The following MCU variants were observed in gnomAD, a reference collection of about 807,000 sequenced individuals.
The protein encoded by MCU is mitochondrial calcium uniporter.
A neutral mutation model predicts 45.2 loss-of-function variants in MCU; 12 were observed. The observed-to-expected ratio is 0.27, with a 90% CI of 0.17 to 0.43. The LOEUF (loss-of-function observed/expected upper bound fraction) is 0.43, where lower values mean the gene tolerates loss of function less well. Among genes scored for constraint, MCU ranks in the 20% least tolerant of loss-of-function variants. The pLI is 1.00. For synonymous variants in MCU, 160 were observed against 165.1 expected (o/e 0.97, Z 0.24); for missense variants, 324 against 436.7 (o/e 0.74, Z 2.30).
At chr10:72,847,692 A>G (rs966551189) in intron 2 of MCU, among the ~76,000 whole-genome samples, 3 of 152,160 alleles carry the variant, frequency 2.0e-5, no homozygotes, top group African/African-American at 7.2e-5. Context: ...GCATAAACTA[A>G]TCTTTTATTA....
intron 1 of MCU, among the ~76,000 whole-genome samples, chr10:72,752,913 G>C (rs916307807): frequency 1.3e-5 from 2 of 152,192 alleles, no homozygotes; most frequent in Non-Finnish European, 2.9e-5. Flanking sequence ...AGTCTCTGAA[G>C]AATGCCATTT....
At chr10:72,846,597 ATGT>A (rs1206679865) in intron 2 of MCU, among the ~76,000 whole-genome samples, 1 of 152,190 alleles carries the variant, frequency 6.6e-6, no homozygotes, top group African/African-American at 2.4e-5. Context: ...TGATGCTGGC[ATGT>A]TGTTTTAATT....
intron 2 of MCU, among the ~76,000 whole-genome samples, chr10:72,848,541 T>C (rs1428875615): frequency 1.3e-5 from 2 of 152,144 alleles, no homozygotes; most frequent in African/African-American, 4.8e-5. Flanking sequence ...GGGCAGAGCC[T>C]TCATGACCTA....
At chr10:72,823,857 C>T (rs1339071589) in intron 1 of MCU, among the ~76,000 whole-genome samples, 2 of 152,014 alleles carry the variant, frequency 1.3e-5, no homozygotes, top group African/African-American at 4.8e-5. Flanking sequence ...GTCAGGAGTT[C>T]AAGACCAGCC....
rs546745638 is a variant in MCU, at chr10:72,796,698, T to G, written c.151-37661T>G. On this transcript the variant is annotated intron_variant, in intron 1 of 7. Transcript: ENST00000373053. The stretch of plus-strand genomic sequence containing the variant: ...CTGGCTACTTTTTAGTTTTTGTTTT[T>G]TTTTTTTTTTGTAGAGATGGGGTCT... 3.8e-3 allele frequency among the ~76,000 whole-genome samples: 507 copies of G among 133,732 alleles called. 6 individuals carry two copies. Among genetic ancestry groups the G allele is most frequent in the African/African-American group, 0.012 (491 of 39,868 alleles). The allele number at this position is 133,732 out of a possible 152,430, so 87.7% of individuals were successfully genotyped here.
chr10:72,724,090 T>C (rs1397376597), intron 1 of MCU, among the ~76,000 whole-genome samples: 1 of 152,216 alleles, frequency 6.6e-6, no homozygotes, highest in East Asian at 1.9e-4. Flanking sequence ...ATACTATATT[T>C]TTAAAAAATC....
At chr10:72,801,656 C>G (rs1405763887) in intron 1 of MCU, among the ~76,000 whole-genome samples, 4 of 150,254 alleles carry the variant, frequency 2.7e-5, no homozygotes. Flanking sequence ...TTCAAGGTAA[C>G]TAGGTAACTC....
At chr10:72,706,948 G>A (rs911757071) in intron 1 of MCU, among the ~76,000 whole-genome samples, 2 of 151,038 alleles carry the variant, frequency 1.3e-5, no homozygotes, top group African/African-American at 4.9e-5. Context: ...TCCTGCCTCA[G>A]CCTCCCGAGT....
At chr10:72,848,573 C>T (rs992731896) in intron 2 of MCU, among the ~76,000 whole-genome samples, 1 of 152,160 alleles carries the variant, frequency 6.6e-6, no homozygotes, top group Admixed American at 6.5e-5. Flanking sequence ...AAGGTCCTGC[C>T]TCTCAACACT....
At chr10:72,694,195 C>T (rs1430175033) in intron 1 of MCU, among the ~76,000 whole-genome samples, 1 of 152,120 alleles carries the variant, frequency 6.6e-6, no homozygotes, top group Non-Finnish European at 1.5e-5. Context: ...AAAATTGAAC[C>T]TGATTATTTA....
chr10:72,708,963 G>T (rs189844834), intron 1 of MCU, among the ~76,000 whole-genome samples: 1 of 151,986 alleles, frequency 6.6e-6, no homozygotes, highest in Non-Finnish European at 1.5e-5. Flanking sequence ...AGCTTTGATT[G>T]TACCACTGTA....
intron 1 of MCU, among the ~76,000 whole-genome samples, chr10:72,801,313 A>C (rs1844336388): frequency 6.7e-6 from 1 of 148,728 alleles, no homozygotes; most frequent in Admixed American, 6.7e-5. Flanking sequence ...GTTCTCATTG[A>C]TTACATAATT....
intron 2 of MCU, among the ~76,000 whole-genome samples, chr10:72,842,925 A>G (rs1444411826): frequency 6.6e-6 from 1 of 151,590 alleles, no homozygotes; most frequent in African/African-American, 2.4e-5. Context: ...GGATTTTTTC[A>G]GGAAATGTTG....
At position 72,833,870 on chromosome 10, in the gene MCU, A is replaced by C. The variant is rs192541893; in HGVS notation, c.151-489A>C. On this transcript the variant is annotated intron_variant, in intron 1 of 7. Transcript: ENST00000373053. ...GGTTGCCTCTCCAGGTTTTTTAAAA[A>C]GGAGAGTGAACATAAAGACCAGATG... is the stretch of plus-strand genomic sequence containing the variant. Among the ~76,000 whole-genome samples, 14 of 152,322 alleles carry C rather than the reference A, an allele frequency of 9.2e-5. No homozygotes were observed. In the East Asian group the frequency reaches 2.7e-3, roughly 29 times the overall value.
intron 1 of MCU, among the ~76,000 whole-genome samples, chr10:72,743,434 G>T (rs1169981609): frequency 3.8e-5 from 5 of 132,388 alleles, no homozygotes; most frequent in East Asian, 2.0e-4. Flanking sequence ...AAAAAAAAAG[G>T]TTTTTGGAGC....
At chr10:72,733,197 G>A (rs975254566) in intron 1 of MCU, among the ~76,000 whole-genome samples, 4 of 152,306 alleles carry the variant, frequency 2.6e-5, no homozygotes, top group Non-Finnish European at 2.9e-5. Context: ...AGTGGCTCAC[G>A]CCTGTAATCC....
chr10:72,738,183 AATTT>A (rs1843277262), intron 1 of MCU, among the ~76,000 whole-genome samples: 1 of 152,168 alleles, frequency 6.6e-6, no homozygotes, highest in African/African-American at 2.4e-5. Context: ...AATTAAGAAG[AATTT>A]ATTTGGGGAA....
At chr10:72,744,231 CT>C (rs76110060) in intron 1 of MCU, among the ~76,000 whole-genome samples, 1,804 of 109,382 alleles carry the variant, frequency 0.016, 12 homozygotes, top group African/African-American at 0.039. Flanking sequence ...TCCAAAGATG[CT>C]TTTTTTTTTT....
chr10:72,765,367 G>T (rs963327615), intron 1 of MCU, among the ~76,000 whole-genome samples: 3 of 152,004 alleles, frequency 2.0e-5, no homozygotes, highest in Non-Finnish European at 4.4e-5. Flanking sequence ...TTAGCCTTTT[G>T]TTCTTCTTTA....
Sources: allele counts gnomAD v4.1 joint callset (sites outside exome capture counted in the v4.1 genomes callset), GRCh38; gene constraint gnomAD v4.1.1; transcripts MANE v1.5; gene names NCBI Gene and HGNC (gene_info 2026-07-23, HGNC 2026-07-21).